ARAP1: variants seen among roughly 807,000 people sequenced by gnomAD.
ARAP1 encodes ArfGAP with RhoGAP domain, ankyrin repeat and PH domain 1, also known as arf-GAP with Rho-GAP domain, ANK repeat and PH domain-containing protein 1.
ARAP1 carries 76 observed loss-of-function variants against 172.2 expected under a neutral mutation model. That is an observed-to-expected ratio of 0.44 (90% CI 0.37 to 0.53). ARAP1 has a LOEUF of 0.53. Among genes scored for constraint, ARAP1 ranks in the 20% least tolerant of loss-of-function variants. The pLI, the probability that ARAP1 is intolerant of heterozygous loss-of-function variation, is 0.00. For synonymous variants in ARAP1, 804 were observed against 803.3 expected (o/e 1.00, Z -0.01); for missense variants, 1,686 against 1,977.5 (o/e 0.85, Z 2.80).
At chr11:72,721,331 G>A (rs1857499017) in intron 3 of ARAP1, among the ~76,000 whole-genome samples, 2 of 152,198 alleles carry the variant, frequency 1.3e-5, no homozygotes, top group South Asian at 2.1e-4. Context: ...GGAGGGGTAA[G>A]CAGCACACCA....
intron 1 of ARAP1, among the ~76,000 whole-genome samples, chr11:72,740,145 T>A (rs1247907075): frequency 6.6e-6 from 1 of 152,088 alleles, no homozygotes; most frequent in Non-Finnish European, 1.5e-5. Context: ...GTTTCAGTCC[T>A]CCTTCTTCTG....
At chr11:72,687,295 A>C (rs1855733184) in intron 33 of ARAP1, 144 bp downstream of exon 33, 2 of 1,076,120 alleles carry the variant, frequency 1.9e-6, no homozygotes, top group South Asian at 1.4e-5. Flanking sequence ...GGGTTTATTG[A>C]ATAAACTAGC....
chr11:72,715,696 G>A (rs138611326), intron 3 of ARAP1, among the ~76,000 whole-genome samples: 54 of 151,162 alleles, frequency 3.6e-4, no homozygotes, highest in Non-Finnish European at 6.3e-4. Context: ...TCAGCCTCCC[G>A]AGTAGGTGGG....
At chr11:72,707,621 A>G (rs1856830706) in intron 11 of ARAP1, among the ~76,000 whole-genome samples, 1 of 152,202 alleles carries the variant, frequency 6.6e-6, no homozygotes, top group Non-Finnish European at 1.5e-5. Context: ...GGCTGCTGGG[A>G]AGAAAATGAT....
rs1222454292 is a variant in ARAP1 at position 72,752,373 on chromosome 11, C to A, written c.-173G>T. On this transcript the variant is annotated 5_prime_UTR_variant, in exon 1 of 35. Coordinates refer to ENST00000393609, the MANE Select transcript of ARAP1 (RefSeq NM_001040118.3). ...ACGCGGGGACCAGGCGTACCGGCGC[C>A]GCCACCGACTTACACCGCCACCGCC... The A allele has an allele frequency of 2.6e-5, 4 of 152,294 alleles. No individual in the cohort carries two copies. The highest frequency in any genetic ancestry group is 7.2e-5 in the African/African-American group (3 of 41,424). 9.4% of individuals were successfully genotyped at this position (152,294 alleles called of 1,614,324 possible).
At position 72,699,000 on chromosome 11, in the gene ARAP1, C is replaced by T; in HGVS notation, c.2541+5G>A. 1 of 1,614,152 alleles carries T rather than the reference C, an allele frequency of 6.2e-7. No individual in the cohort carries two copies. Among genetic ancestry groups the T allele is most frequent in the South Asian group, 1.1e-5 (1 of 91,092 alleles). On this transcript the variant is annotated splice_donor_5th_base_variant and intron_variant, in intron 18 of 34. Transcript: ENST00000393609. ...CTTACACCCACCCTGCTACCCCAGG[C>T]TCACCTTAGCAATACACTTGACCCA...
intron 11 of ARAP1, among the ~76,000 whole-genome samples, chr11:72,707,600 C>G (rs562083796): frequency 6.6e-6 from 1 of 152,124 alleles, no homozygotes; most frequent in Admixed American, 6.5e-5. Context: ...CTGCCCAGCC[C>G]GCAGAATGAA....
chr11:72,721,027 T>C (rs1156504658), intron 3 of ARAP1, among the ~76,000 whole-genome samples: 2 of 151,974 alleles, frequency 1.3e-5, no homozygotes, highest in Non-Finnish European at 2.9e-5. Context: ...AGGAAGTTCA[T>C]CCTCAGGGAG....
intron 1 of ARAP1, among the ~76,000 whole-genome samples, chr11:72,744,270 C>T (rs1285086965): frequency 1.3e-5 from 2 of 152,196 alleles, no homozygotes; most frequent in African/African-American, 4.8e-5. Flanking sequence ...AAAGGTGGCA[C>T]ACAGTGAATA....
chr11:72,705,906 C>T lies in ARAP1; in HGVS notation c.1724-16G>A, dbSNP rs1379390020. On this transcript the variant is annotated splice_polypyrimidine_tract_variant and intron_variant, in intron 12 of 34. Transcript: ENST00000393609. Reference sequence around the variant, plus strand: ...CGGTGCTCCCCTGTAGACACAGGGCCAGACCCAGAATCACCTGGGCCCCCC... The same window carrying T: ...CGGTGCTCCCCTGTAGACACAGGGCTAGACCCAGAATCACCTGGGCCCCCC... The T allele has an allele frequency of 6.2e-7, 1 of 1,612,842 alleles. No homozygotes were observed.
At chr11:72,737,307 G>A (rs1251055145) in intron 1 of ARAP1, among the ~76,000 whole-genome samples, 1 of 152,128 alleles carries the variant, frequency 6.6e-6, no homozygotes, top group Non-Finnish European at 1.5e-5. Context: ...TCTAATCCTT[G>A]TCAGCCAGTC....
In ARAP1 at chr11:72,726,688, C is replaced by T; in HGVS notation, c.441G>A (p.Lys147=). ...GAACGCTCAGCTCTGCCAAATGCCG[C>T]TTAGCAGGCAGCGGGGGCAGCACAG... The part of the protein sequence containing the change: ...PDPVLPPLPA[K]RHLAELSVPP... Residue 147 remains lysine (K), a synonymous_variant, in exon 3 of 35, where the codon AAG becomes AAA. Coordinates refer to ENST00000393609, the MANE Select transcript of ARAP1 (RefSeq NM_001040118.3). This position sits in a 1 kb window ranked among gnomAD's most constrained non-coding sequence, Gnocchi z 6.5. The T allele has an allele frequency of 6.5e-7, 1 of 1,540,982 alleles. No individual in the cohort carries two copies. The highest frequency in any genetic ancestry group is 1.2e-5 in the South Asian group (1 of 83,384).
chr11:72,724,268 T>G (rs904127790), intron 3 of ARAP1, among the ~76,000 whole-genome samples: 1 of 151,996 alleles, frequency 6.6e-6, no homozygotes, highest in African/African-American at 2.4e-5. Flanking sequence ...AGTACACACA[T>G]GCACACGCAT....
rs371419962 is a variant in ARAP1, at chr11:72,695,665, G to A, written c.3421-37C>T. ...CGAGAGGCAGGGACAGGTGGTCACC[G>A]TCATCTGCAAGGATCACCCCTGCCC... On this transcript the variant is annotated intron_variant, in intron 24 of 34. Coordinates refer to ENST00000393609, the MANE Select transcript of ARAP1 (RefSeq NM_001040118.3). The surrounding 1 kb of genome is among the most constrained non-coding windows in gnomAD (Gnocchi z 4.4). 1.4e-4 allele frequency: 222 copies of A among 1,613,784 alleles called. 2 individuals are homozygous for A. Among genetic ancestry groups the A allele is most frequent in the Middle Eastern group, 3.3e-4 (2 of 6,084 alleles).
chr11:72,742,782 T>C (rs1342453726), intron 1 of ARAP1, among the ~76,000 whole-genome samples: 1 of 152,184 alleles, frequency 6.6e-6, no homozygotes, highest in East Asian at 1.9e-4. Context: ...TAGCTCCACC[T>C]TGCAGGCTTG....
chr11:72,715,664 G>A (rs939570522), intron 3 of ARAP1, among the ~76,000 whole-genome samples: 3 of 149,244 alleles, frequency 2.0e-5, no homozygotes, highest in Non-Finnish European at 3.0e-5. Flanking sequence ...TCAAACTCCC[G>A]AGTTCAAGTG....
intron 1 of ARAP1, among the ~76,000 whole-genome samples, chr11:72,737,093 C>T (rs1485076543): frequency 6.6e-6 from 1 of 152,188 alleles, no homozygotes; most frequent in Admixed American, 6.5e-5. Flanking sequence ...GAGGCTGAGC[C>T]CCATATCTCG....
At chr11:72,692,180 C>G (rs1363332438) in intron 30 of ARAP1, among the ~76,000 whole-genome samples, 1 of 152,144 alleles carries the variant, frequency 6.6e-6, no homozygotes, top group Non-Finnish European at 1.5e-5. Flanking sequence ...GAGCAAGGAC[C>G]TTTTCCAGAC....
chr11:72,717,451 T>TA (rs1857328755), intron 3 of ARAP1, among the ~76,000 whole-genome samples: 1 of 152,066 alleles, frequency 6.6e-6, no homozygotes, highest in African/African-American at 2.4e-5. Flanking sequence ...GTGGTAACCA[T>TA]AAATAAAAAC....
Sources: allele counts gnomAD v4.1 joint callset (sites outside exome capture counted in the v4.1 genomes callset), GRCh38; gene constraint gnomAD v4.1.1; non-coding constraint Gnocchi (gnomAD v3.1); transcripts MANE v1.5; gene names NCBI Gene and HGNC (gene_info 2026-07-23, HGNC 2026-07-21).